DPP10: variants seen among roughly 807,000 people sequenced by gnomAD.
DPP10 encodes the protein inactive dipeptidyl peptidase 10.
DPP10 carries 33 observed loss-of-function variants against 120.9 expected under a neutral mutation model. The ratio of observed to expected loss-of-function variants is 0.27; its 90% confidence interval spans 0.21 to 0.37. DPP10 has a LOEUF of 0.37. Ranked by LOEUF, DPP10 falls within the 10% of genes least tolerant of loss-of-function variation. The pLI is 1.00. For synonymous variants in DPP10, 337 were observed against 326.1 expected (o/e 1.03, Z -0.36); for missense variants, 816 against 942.8 (o/e 0.87, Z 1.76).
chr2:114,514,474 A>G (rs935422681), intron 1 of DPP10, among the ~76,000 whole-genome samples: 4 of 152,196 alleles, frequency 2.6e-5, no homozygotes, highest in African/African-American at 9.6e-5. Flanking sequence ...AAAAATTCAC[A>G]GTTCACTTTT....
At chr2:115,672,662 T>TTCTC (rs1283358573) in intron 5 of DPP10, among the ~76,000 whole-genome samples, 1,486 of 104,592 alleles carry the variant, frequency 0.014, 44 homozygotes, top group African/African-American at 0.045. Flanking sequence ...CTTTCTTTCT[T>TTCTC]TCTTTCTCTC....
chr2:115,092,086 T>C (rs1455786776), intron 1 of DPP10, among the ~76,000 whole-genome samples: 1 of 152,220 alleles, frequency 6.6e-6, no homozygotes, highest in South Asian at 2.1e-4. Context: ...TTTTGTTTTT[T>C]TCTTAAGTAA....
chr2:115,452,492 C>G (rs1004064455), intron 3 of DPP10, among the ~76,000 whole-genome samples: 3 of 151,796 alleles, frequency 2.0e-5, no homozygotes. Flanking sequence ...GGTATAAATG[C>G]TCAAGATAAT....
At chr2:115,658,627 T>G (rs2088618312) in intron 5 of DPP10, among the ~76,000 whole-genome samples, 1 of 152,246 alleles carries the variant, frequency 6.6e-6, no homozygotes, top group East Asian at 1.9e-4. Flanking sequence ...GTCATTCAAC[T>G]TGGGTACAAA....
At chr2:115,274,977 G>C (rs564596831) in intron 1 of DPP10, among the ~76,000 whole-genome samples, 1 of 152,182 alleles carries the variant, frequency 6.6e-6, no homozygotes, top group East Asian at 1.9e-4. Flanking sequence ...ATCCTATTTT[G>C]TTTTCTTTTA....
chr2:115,633,380 A>G (rs1305535414), intron 5 of DPP10, among the ~76,000 whole-genome samples: 4 of 152,144 alleles, frequency 2.6e-5, no homozygotes, highest in Admixed American at 6.6e-5. Context: ...GAATTGAACA[A>G]TGAGAACACT....
intron 1 of DPP10, among the ~76,000 whole-genome samples, chr2:114,784,557 A>C (rs975674548): frequency 6.6e-6 from 1 of 152,090 alleles, no homozygotes; most frequent in Non-Finnish European, 1.5e-5. Context: ...CACATGGTTG[A>C]TCCAAACGGG....
chr2:114,483,938 G>C (rs1681280643), intron 1 of DPP10, among the ~76,000 whole-genome samples: 1 of 152,154 alleles, frequency 6.6e-6, no homozygotes, highest in East Asian at 1.9e-4. Flanking sequence ...CTCCCCATCA[G>C]TCCCTTTGAA....
chr2:114,634,379 T>C (rs1366272233), intron 1 of DPP10, among the ~76,000 whole-genome samples: 1 of 151,886 alleles, frequency 6.6e-6, no homozygotes, highest in Non-Finnish European at 1.5e-5. Flanking sequence ...TTTAAGTTTT[T>C]TTTTATTTGT....
At chr2:114,914,913 T>A (rs962895567) in intron 1 of DPP10, among the ~76,000 whole-genome samples, 1 of 152,028 alleles carries the variant, frequency 6.6e-6, no homozygotes, top group African/African-American at 2.4e-5. Context: ...GGGCGGATCA[T>A]GAGGTCAGGA....
chr2:115,435,394 C>T (rs1346509878), intron 3 of DPP10, among the ~76,000 whole-genome samples: 1 of 151,806 alleles, frequency 6.6e-6, no homozygotes, highest in Admixed American at 6.6e-5. Flanking sequence ...GCTCTTTTAA[C>T]TGTGATGAGA....
chr2:115,598,405 T>C (rs1437490275), intron 5 of DPP10, among the ~76,000 whole-genome samples: 2 of 152,002 alleles, frequency 1.3e-5, no homozygotes, highest in Non-Finnish European at 2.9e-5. Flanking sequence ...GAATATATTT[T>C]TAGAATTCAA....
intron 1 of DPP10, among the ~76,000 whole-genome samples, chr2:115,209,988 G>A (rs2056399314): frequency 6.6e-6 from 1 of 151,982 alleles, no homozygotes; most frequent in Non-Finnish European, 1.5e-5. Context: ...ACACTAGCCT[G>A]GGCAACATGA....
chr2:114,505,366 A>C (rs886094258), intron 1 of DPP10, among the ~76,000 whole-genome samples: 7 of 152,122 alleles, frequency 4.6e-5, no homozygotes, highest in Non-Finnish European at 8.8e-5. Flanking sequence ...TTGTTTGAAC[A>C]GATTCATTTC....
At chr2:114,444,568 C>T (rs1368156580) in intron 1 of DPP10, among the ~76,000 whole-genome samples, 1 of 115,656 alleles carries the variant, frequency 8.6e-6, no homozygotes, top group Non-Finnish European at 1.9e-5. Context: ...CACAAACAAA[C>T]TGTGGAACAG....
intron 1 of DPP10, among the ~76,000 whole-genome samples, chr2:115,033,900 T>TC (rs1020857074): frequency 1.0e-4 from 14 of 136,944 alleles, no homozygotes; most frequent in Non-Finnish European, 1.6e-4. Flanking sequence ...TTTCTTTTTT[T>TC]TTTTTTTTTT....
chr2:115,544,028 G>T (rs1384373776), intron 5 of DPP10, among the ~76,000 whole-genome samples: 1 of 150,752 alleles, frequency 6.6e-6, no homozygotes, highest in Non-Finnish European at 1.5e-5. Context: ...GTACAGGTAA[G>T]GAAAATAATT....
chr2:115,639,907 A>T (rs911481111), intron 5 of DPP10, among the ~76,000 whole-genome samples: 2 of 152,084 alleles, frequency 1.3e-5, no homozygotes, highest in African/African-American at 4.8e-5. Context: ...ACAGAGACTG[A>T]ATTAGAGGAC....
At chr2:115,546,269 T>G (rs931309338) in intron 5 of DPP10, among the ~76,000 whole-genome samples, 2 of 152,126 alleles carry the variant, frequency 1.3e-5, no homozygotes, top group Non-Finnish European at 2.9e-5. Context: ...CTGAAATAAC[T>G]GAATTATTTA....
Sources: gnomAD v4.1 joint callset for allele counts (sites outside exome capture counted in the v4.1 genomes callset) on GRCh38, gnomAD v4.1.1 for gene constraint, MANE v1.5 for transcripts, NCBI Gene and HGNC (gene_info 2026-07-23, HGNC 2026-07-21) for gene names.